Variants in JPH3 observed in about 807,000 individuals in gnomAD.
The protein encoded by JPH3 is junctophilin 3.
A neutral mutation model predicts 59.6 loss-of-function variants in JPH3; 11 were observed. The observed-to-expected ratio is 0.18, with a 90% CI of 0.12 to 0.31. The LOEUF (loss-of-function observed/expected upper bound fraction) is 0.31, where lower values mean the gene tolerates loss of function less well. Among genes scored for constraint, JPH3 ranks in the 10% least tolerant of loss-of-function variants. The pLI, the probability that JPH3 is intolerant of heterozygous loss-of-function variation, is 1.00. For synonymous variants in JPH3, 673 were observed against 483.6 expected (o/e 1.39, Z -5.14); for missense variants, 1,202 against 1,105.7 (o/e 1.09, Z -1.24).
intron 1 of JPH3, among the ~76,000 whole-genome samples, chr16:87,621,561 A>G (rs745000): frequency 0.32 from 48,713 of 152,120 alleles, 8,109 homozygotes; most frequent in African/African-American, 0.37. Context: ...TGAGAGAAAC[A>G]CACCCACCTA....
At chr16:87,688,809 C>T (rs1031378053) in intron 3 of JPH3, among the ~76,000 whole-genome samples, 1 of 152,218 alleles carries the variant, frequency 6.6e-6, no homozygotes, top group African/African-American at 2.4e-5. Flanking sequence ...TCTTGGGTTT[C>T]TCCTAATGGA....
intron 2 of JPH3, among the ~76,000 whole-genome samples, chr16:87,675,414 G>C (rs1479792381): frequency 6.6e-6 from 1 of 152,224 alleles, no homozygotes; most frequent in African/African-American, 2.4e-5. Flanking sequence ...CTCCTGGGCA[G>C]GACCTGCCCT....
At chr16:87,608,866 C>T (rs140173042) in intron 1 of JPH3, among the ~76,000 whole-genome samples, 13 of 152,256 alleles carry the variant, frequency 8.5e-5, no homozygotes, top group African/African-American at 2.6e-4. Flanking sequence ...GTGAGACCCC[C>T]GTCTCTACAA....
intron 1 of JPH3, among the ~76,000 whole-genome samples, chr16:87,622,325 C>A (rs2031214789): frequency 6.6e-6 from 1 of 152,228 alleles, no homozygotes; most frequent in Admixed American, 6.5e-5. Context: ...CTGAGGTCAG[C>A]TTCCCAGGGG....
At chr16:87,621,163 G>GGAAAAA (rs56318023) in intron 1 of JPH3, among the ~76,000 whole-genome samples, 49,321 of 151,484 alleles carry the variant, frequency 0.33, 8,266 homozygotes, top group African/African-American at 0.37. Flanking sequence ...TGTCTCAAAA[G>GGAAAAA]GAAAAAGAAA....
At chr16:87,683,464 C>A (rs143820295) in intron 2 of JPH3, among the ~76,000 whole-genome samples, 50 of 152,092 alleles carry the variant, frequency 3.3e-4, no homozygotes, top group African/African-American at 1.2e-3. Flanking sequence ...GCCACAACAC[C>A]CGGCTAATTT....
chr16:87,651,897 A>G (rs895791239), intron 2 of JPH3, among the ~76,000 whole-genome samples: 1 of 152,258 alleles, frequency 6.6e-6, no homozygotes, highest in Non-Finnish European at 1.5e-5. Context: ...GTCAAATGCT[A>G]TCAAATAGCA....
Position 87,697,880 on chromosome 16 carries a change from G to A in JPH3, c.*1220G>A, listed in dbSNP as rs2033962676. The A allele has an allele frequency of 1.3e-5, 2 of 152,416 alleles. No individual in the cohort carries two copies. Among genetic ancestry groups the A allele is most frequent in the African/African-American group, 4.8e-5 (2 of 41,440 alleles). The allele number at this position is 152,416 out of a possible 1,614,324, so 9.4% of individuals were successfully genotyped here. On this transcript the variant is annotated 3_prime_UTR_variant, in exon 5 of 5. Transcript: ENST00000284262. ...CAAACAAAAGAACAAGGTTTGCCAGGATGTCCGAGTGCCCCCTGGCCCTGG... is the reference window on the plus strand; with the variant it reads ...CAAACAAAAGAACAAGGTTTGCCAGAATGTCCGAGTGCCCCCTGGCCCTGG...
At chr16:87,631,491 A>G (rs1036079218) in intron 1 of JPH3, among the ~76,000 whole-genome samples, 4 of 151,762 alleles carry the variant, frequency 2.6e-5, no homozygotes, top group African/African-American at 9.7e-5. Context: ...TTCATTTGTG[A>G]TCTGTTTTTA....
chr16:87,659,664 C>G (rs904921461), intron 2 of JPH3, among the ~76,000 whole-genome samples: 6 of 151,550 alleles, frequency 4.0e-5, no homozygotes, highest in Non-Finnish European at 5.9e-5. Context: ...ACGCAGGAGA[C>G]GAAGGTTGCA....
intron 1 of JPH3, chr16:87,604,481 T>G (rs922305027): frequency 8.9e-6 from 12 of 1,344,778 alleles, no homozygotes; most frequent in Non-Finnish European, 1.2e-5. Context: ...CCCCGACCAG[T>G]CCACTCCCAT....
At chr16:87,625,651 GT>G (rs1408103869) in intron 1 of JPH3, among the ~76,000 whole-genome samples, 1 of 152,210 alleles carries the variant, frequency 6.6e-6, no homozygotes, top group African/African-American at 2.4e-5. Context: ...TCTAACAGGG[GT>G]TCCTGGGGGG....
intron 1 of JPH3, among the ~76,000 whole-genome samples, chr16:87,640,681 C>T (rs56250782): frequency 0.11 from 16,209 of 152,232 alleles, 1,030 homozygotes; most frequent in Middle Eastern, 0.18. Context: ...GCATGAGCCA[C>T]CCCACCCAGC....
In JPH3 at chr16:87,629,490, C is replaced by T. The variant is rs956785309; in HGVS notation, c.383-14768C>T. ...ATTTGTAATTGCCCAAAGTCGGAAG[C>T]AGCGAAGATGCCATTAAATAGGGAA... On this transcript the variant is annotated intron_variant, in intron 1 of 4. Transcript: ENST00000284262. Among the ~76,000 whole-genome samples, 5 of 151,644 alleles carry T rather than the reference C, an allele frequency of 3.3e-5. No individual in the cohort carries two copies. The East Asian group carries it at 7.8e-4, about 24-fold the overall frequency.
chr16:87,651,278 A>G (rs1426171243), intron 2 of JPH3, among the ~76,000 whole-genome samples: 1 of 152,172 alleles, frequency 6.6e-6, no homozygotes, highest in Admixed American at 6.5e-5. Context: ...GCCCATGGAG[A>G]TGTACAGGAA....
At chr16:87,658,089 C>A (rs554274765) in intron 2 of JPH3, among the ~76,000 whole-genome samples, 2 of 152,220 alleles carry the variant, frequency 1.3e-5, no homozygotes, top group Non-Finnish European at 2.9e-5. Flanking sequence ...AGGCACCATG[C>A]GGCCCACGCT....
At chr16:87,671,617 C>T (rs1278237564) in intron 2 of JPH3, among the ~76,000 whole-genome samples, 2 of 65,082 alleles carry the variant, frequency 3.1e-5, no homozygotes, top group Admixed American at 1.8e-4. Context: ...CTCAGTTCTG[C>T]GCCTGAGCTC....
At chr16:87,619,475 C>T (rs779673946) in intron 1 of JPH3, among the ~76,000 whole-genome samples, 30 of 152,208 alleles carry the variant, frequency 2.0e-4, no homozygotes, top group Non-Finnish European at 3.4e-4. Flanking sequence ...AGATAAACTG[C>T]GCTGGGTGTC....
At chr16:87,685,591 C>T (rs752686201) in intron 3 of JPH3, among the ~76,000 whole-genome samples, 4 of 152,232 alleles carry the variant, frequency 2.6e-5, no homozygotes, top group African/African-American at 7.2e-5. Context: ...GCGGGATGGA[C>T]GAACGGAACA....
Sources: allele counts gnomAD v4.1 joint callset (sites outside exome capture counted in the v4.1 genomes callset), GRCh38; gene constraint gnomAD v4.1.1; transcripts MANE v1.5; gene names NCBI Gene and HGNC (gene_info 2026-07-23, HGNC 2026-07-21).